DNAJC8: variants seen among roughly 807,000 people sequenced by gnomAD.
The protein encoded by DNAJC8 is DnaJ heat shock protein family (Hsp40) member C8, also known as dnaJ homolog subfamily C member 8.
In DNAJC8, 24 loss-of-function variants were observed where a neutral mutation model predicts 43.2. The ratio of observed to expected loss-of-function variants is 0.56; its 90% CI spans 0.40 to 0.78. The LOEUF (loss-of-function observed/expected upper bound fraction) is 0.78. Among genes scored for constraint, DNAJC8 ranks in the 30% least tolerant of loss-of-function variants. The probability of loss-of-function intolerance (pLI) is 0.00; values close to 1 mark genes in which losing one functional copy is unlikely to be tolerated. For synonymous variants in DNAJC8, 83 were observed against 98.0 expected, an observed-to-expected ratio of 0.85 and a Z score of 0.90; for missense variants, 207 against 299.4, an observed-to-expected ratio of 0.69 and a Z score of 2.28.
chr1:28,214,095 T>A lies in DNAJC8; in HGVS notation c.237+845A>T, dbSNP rs11809472. Among the ~76,000 whole-genome samples the A allele has an allele frequency of 4.1e-3, 620 of 152,232 alleles. 6 individuals are homozygous for A. Among genetic ancestry groups the A allele is most frequent in the African/African-American group, 0.015 (606 of 41,526 alleles). On this transcript the variant is annotated intron_variant, in intron 3 of 8. Coordinates refer to ENST00000263697, the MANE Select transcript of DNAJC8 (RefSeq NM_014280.3). ...GTCAAAACTGGAAGGATTTTTTTTT[T>A]AAGTTTACTTTAAAACTTTGTAGTT...
At chr1:28,210,680 T>G in intron 3 of DNAJC8, 43 bp from the exon 4 acceptor site, 7 of 1,528,972 alleles carry the variant, frequency 4.6e-6, no homozygotes, top group Non-Finnish European at 6.3e-6. Context: ...AGGGAAACAT[T>G]TACTAACTTC....
intron 2 of DNAJC8, among the ~76,000 whole-genome samples, chr1:28,225,675 T>C (rs991923761): frequency 1.3e-5 from 2 of 150,300 alleles, no homozygotes; most frequent in African/African-American, 2.5e-5. Context: ...TGCCACTGAA[T>C]TGTAAAACTA....
intron 2 of DNAJC8, among the ~76,000 whole-genome samples, chr1:28,220,213 C>A (rs547024891): frequency 2.0e-5 from 3 of 152,310 alleles, no homozygotes; most frequent in African/African-American, 7.2e-5. Context: ...AACAAATATT[C>A]ACTGAGTGCC....
At chr1:28,204,439 G>A (rs1301842589) in intron 7 of DNAJC8, among the ~76,000 whole-genome samples, 1 of 152,066 alleles carries the variant, frequency 6.6e-6, no homozygotes, top group Non-Finnish European at 1.5e-5. Flanking sequence ...AAATTAGCCA[G>A]GCAGGAGAAT....
At chr1:28,229,051 T>C (rs1646956335) in intron 1 of DNAJC8, 28 bp from the exon 2 acceptor site, 1 of 1,567,766 alleles carries the variant, frequency 6.4e-7, no homozygotes, top group South Asian at 1.1e-5. Flanking sequence ...AAAAACTTCA[T>C]TAATAGAATT....
chr1:28,212,611 T>C (rs1646822993), intron 3 of DNAJC8, among the ~76,000 whole-genome samples: 1 of 151,718 alleles, frequency 6.6e-6, no homozygotes, highest in African/African-American at 2.4e-5. Flanking sequence ...ATTTTTATAA[T>C]AAACCAGCTA....
At chr1:28,226,936 T>A (rs1413017865) in intron 2 of DNAJC8, among the ~76,000 whole-genome samples, 1 of 151,082 alleles carries the variant, frequency 6.6e-6, no homozygotes, top group African/African-American at 2.4e-5. Flanking sequence ...TCATATAGCC[T>A]TATAACTCAT....
At chr1:28,219,770 T>TG (rs11394423) in intron 2 of DNAJC8, among the ~76,000 whole-genome samples, 146,495 of 152,188 alleles carry the variant, frequency 0.96, 70,557 homozygotes, top group East Asian at 1. Context: ...CTCCGCCTCC[T>TG]GGTTCAAGCA....
chr1:28,203,041 G>A (rs2481978), intron 8 of DNAJC8, among the ~76,000 whole-genome samples: 5,663 of 152,186 alleles, frequency 0.037, 286 homozygotes, highest in African/African-American at 0.12. Flanking sequence ...CCTTTCTGCT[G>A]CCCCCCAAAA....
At chr1:28,216,535 C>A (rs1381071392) in intron 2 of DNAJC8, among the ~76,000 whole-genome samples, 4 of 152,102 alleles carry the variant, frequency 2.6e-5, no homozygotes, top group South Asian at 2.1e-4. Flanking sequence ...AATTCATAAA[C>A]CCTGATTGAT....
chr1:28,206,313 G>A (rs1646768082), intron 6 of DNAJC8, among the ~76,000 whole-genome samples: 1 of 152,126 alleles, frequency 6.6e-6, no homozygotes, highest in Admixed American at 6.6e-5. Context: ...GTGCAGTGGT[G>A]TGATCATAGC....
rs567086 is a variant in DNAJC8, at chr1:28,228,915, G to A, written c.180+7C>T. On this transcript the variant is annotated splice_region_variant and intron_variant, in intron 2 of 8. Coordinates refer to ENST00000263697, the MANE Select transcript of DNAJC8 (RefSeq NM_014280.3). ...TACAGAGGCCCTAGCAACATCAATCGGCTCACCTCAAATGGGTTCAAATTG... is the reference window on the plus strand; with the variant it reads ...TACAGAGGCCCTAGCAACATCAATCAGCTCACCTCAAATGGGTTCAAATTG... The A allele has an allele frequency of 0.35, 567,365 of 1,608,694 alleles. 105,880 individuals are homozygous for A. The highest frequency in any genetic ancestry group is 0.62 in the African/African-American group (46,351 of 74,762).
intron 2 of DNAJC8, among the ~76,000 whole-genome samples, chr1:28,215,812 C>T (rs12122431): frequency 0.33 from 49,890 of 151,272 alleles, 8,891 homozygotes; most frequent in African/African-American, 0.46. Flanking sequence ...GCTGGGATTA[C>T]AGGTGTGAGC....
At chr1:28,229,811 G>C (rs1004045686) in intron 1 of DNAJC8, among the ~76,000 whole-genome samples, 1 of 151,060 alleles carries the variant, frequency 6.6e-6, no homozygotes, top group Admixed American at 6.6e-5. Flanking sequence ...TTCTCTGTGA[G>C]GAAAAAAAAT....
intron 1 of DNAJC8, 22 bp from the exon 2 acceptor site, chr1:28,229,045 A>G: frequency 6.3e-7 from 1 of 1,585,058 alleles, no homozygotes; most frequent in Non-Finnish European, 8.7e-7. Flanking sequence ...AGGATTAAAA[A>G]CTTCATTAAT....
At chr1:28,205,600 C>G (rs557690498) in intron 6 of DNAJC8, among the ~76,000 whole-genome samples, 1 of 152,104 alleles carries the variant, frequency 6.6e-6, no homozygotes, top group Admixed American at 6.6e-5. Flanking sequence ...TTAAAACTAG[C>G]GTGCAGGCCA....
Position 28,210,144 on chromosome 1 carries a change from G to C in DNAJC8, c.305-78C>G, listed in dbSNP as rs1458111314. Reference sequence around the variant, plus strand: ...GAACTATACTCAGGCAGTGTAAATGGACTTGTGCTCTCTAAAGCATTCCCT... The same window carrying C: ...GAACTATACTCAGGCAGTGTAAATGCACTTGTGCTCTCTAAAGCATTCCCT... On this transcript the variant is annotated intron_variant, in intron 4 of 8. Transcript: ENST00000263697. 6 of 1,245,848 alleles carry C rather than the reference G, an allele frequency of 4.8e-6. No individual in the cohort carries two copies. In the African/African-American group the frequency reaches 8.9e-5, roughly 18 times the overall value. The allele number at this position is 1,245,848 out of a possible 1,614,324, so 77.2% of individuals were successfully genotyped here. A position where few individuals can be genotyped will look rare whatever the true frequency, so the allele number is the denominator to read the frequency against.
intron 1 of DNAJC8, among the ~76,000 whole-genome samples, chr1:28,231,345 A>G (rs992483303): frequency 5.3e-5 from 8 of 152,202 alleles, no homozygotes; most frequent in Non-Finnish European, 1.2e-4. Context: ...GTCTCAAAAT[A>G]AATAAATTAA....
At chr1:28,219,494 G>C (rs553537764) in intron 2 of DNAJC8, among the ~76,000 whole-genome samples, 1 of 152,286 alleles carries the variant, frequency 6.6e-6, no homozygotes, top group East Asian at 1.9e-4. Flanking sequence ...GGGCAACAGA[G>C]TGAGACTCTG....
Sources: allele counts gnomAD v4.1 joint callset (sites outside exome capture counted in the v4.1 genomes callset), GRCh38; gene constraint gnomAD v4.1.1; transcripts MANE v1.5; gene names NCBI Gene and HGNC (gene_info 2026-07-23, HGNC 2026-07-21).